Variants in ZMAT4 observed in about 807,000 individuals in gnomAD.
The protein encoded by ZMAT4 is zinc finger matrin-type protein 4.
A neutral mutation model predicts 28.7 loss-of-function variants in ZMAT4; 17 were observed. The ratio of observed to expected loss-of-function variants is 0.59; its 90% CI spans 0.41 to 0.89. The LOEUF (loss-of-function observed/expected upper bound fraction) is 0.89, where lower values mean the gene tolerates loss of function less well. ZMAT4 is among the 40% of genes least tolerant of loss of function. The pLI is 0.00. For missense variants in ZMAT4, 240 were observed against 283.8 expected, an observed-to-expected ratio of 0.85 and a Z score of 1.11; for synonymous variants, 117 against 109.2, an observed-to-expected ratio of 1.07 and a Z score of -0.44.
intron 1 of ZMAT4, among the ~76,000 whole-genome samples, chr8:40,836,422 T>C (rs570284949): frequency 8.6e-4 from 131 of 152,170 alleles, no homozygotes; most frequent in Admixed American, 4.0e-3. Flanking sequence ...CAAGAAAAAA[T>C]CTTGCTCACG....
At chr8:40,806,095 C>T (rs1194277421) in intron 2 of ZMAT4, among the ~76,000 whole-genome samples, 3 of 151,978 alleles carry the variant, frequency 2.0e-5, no homozygotes, top group Admixed American at 1.3e-4. Flanking sequence ...TGGTAAAATA[C>T]GTGCATTAAG....
chr8:40,790,461 G>A (rs954290662), intron 2 of ZMAT4, among the ~76,000 whole-genome samples: 2 of 152,178 alleles, frequency 1.3e-5, no homozygotes, highest in African/African-American at 2.4e-5. Flanking sequence ...CACCCAGAAT[G>A]AATGCAGTGG....
intron 5 of ZMAT4, among the ~76,000 whole-genome samples, chr8:40,627,587 A>C (rs1013004615): frequency 3.9e-5 from 6 of 152,194 alleles, no homozygotes; most frequent in African/African-American, 1.4e-4. Flanking sequence ...TAATTTTTCT[A>C]CCATTTAAAA....
chr8:40,808,867 T>A (rs951444556), intron 2 of ZMAT4, among the ~76,000 whole-genome samples: 1 of 144,772 alleles, frequency 6.9e-6, no homozygotes, highest in African/African-American at 2.5e-5. Context: ...AAAAAAAAAC[T>A]ATTCCCGAAC....
intron 5 of ZMAT4, among the ~76,000 whole-genome samples, chr8:40,599,589 T>C (rs1805227079): frequency 6.6e-6 from 1 of 152,230 alleles, no homozygotes; most frequent in Non-Finnish European, 1.5e-5. Context: ...CATTACCTGA[T>C]GAAATACCAT....
At chr8:40,576,542 A>C (rs887245956) in intron 6 of ZMAT4, among the ~76,000 whole-genome samples, 2 of 152,016 alleles carry the variant, frequency 1.3e-5, no homozygotes, top group Non-Finnish European at 2.9e-5. Flanking sequence ...AAAAAAAAAA[A>C]AAAACTGTCA....
At chr8:40,601,852 G>A (rs956478125) in intron 5 of ZMAT4, among the ~76,000 whole-genome samples, 2 of 152,176 alleles carry the variant, frequency 1.3e-5, no homozygotes, top group South Asian at 4.1e-4. Flanking sequence ...ACAGGCAACA[G>A]ATGTTTTTGT....
chr8:40,800,234 A>G (rs1352385070), intron 2 of ZMAT4, among the ~76,000 whole-genome samples: 2 of 152,256 alleles, frequency 1.3e-5, no homozygotes, highest in East Asian at 3.8e-4. Context: ...CAAGGCGTCA[A>G]AACACATGAG....
At chr8:40,719,665 G>A (rs985683427) in intron 3 of ZMAT4, among the ~76,000 whole-genome samples, 5 of 151,980 alleles carry the variant, frequency 3.3e-5, no homozygotes, top group Admixed American at 2.6e-4. Flanking sequence ...CGCCTCCTGG[G>A]TTCAAGTGAT....
At chr8:40,842,121 A>C (rs555839176) in intron 1 of ZMAT4, among the ~76,000 whole-genome samples, 34 of 152,328 alleles carry the variant, frequency 2.2e-4, no homozygotes, top group African/African-American at 8.2e-4. Flanking sequence ...CTGAACCTGT[A>C]GGTGATGCTA....
At chr8:40,533,357 TG>T (rs1351347027) in intron 6 of ZMAT4, among the ~76,000 whole-genome samples, 1 of 152,206 alleles carries the variant, frequency 6.6e-6, no homozygotes, top group Non-Finnish European at 1.5e-5. Flanking sequence ...CGCATGCTGC[TG>T]AAGAAGTGCT....
intron 3 of ZMAT4, among the ~76,000 whole-genome samples, chr8:40,745,461 T>C (rs571990967): frequency 2.6e-5 from 4 of 152,208 alleles, no homozygotes; most frequent in Non-Finnish European, 5.9e-5. Flanking sequence ...AGAGACAGTT[T>C]TATTGTTGTT....
At chr8:40,726,169 G>T (rs1364646591) in intron 3 of ZMAT4, among the ~76,000 whole-genome samples, 1 of 152,212 alleles carries the variant, frequency 6.6e-6, no homozygotes, top group East Asian at 1.9e-4. Flanking sequence ...CAGCATCCTT[G>T]CACAGACTGC....
chr8:40,569,403 G>T (rs918439528), intron 6 of ZMAT4, among the ~76,000 whole-genome samples: 2 of 152,158 alleles, frequency 1.3e-5, no homozygotes, highest in Non-Finnish European at 2.9e-5. Context: ...ATCAACGTCA[G>T]CTATAGATAG....
chr8:40,748,964 C>T (rs936531817), intron 3 of ZMAT4, among the ~76,000 whole-genome samples: 24 of 152,090 alleles, frequency 1.6e-4, no homozygotes, highest in African/African-American at 5.6e-4. Context: ...GCTGTTTCCC[C>T]AGTGCTGTTC....
intron 2 of ZMAT4, among the ~76,000 whole-genome samples, chr8:40,775,807 A>G (rs1046027959): frequency 1.8e-4 from 28 of 152,330 alleles, no homozygotes; most frequent in African/African-American, 4.3e-4. Context: ...ATCTGGAAGC[A>G]GGGTCTGTCA....
chr8:40,560,495 G>A (rs1803701643), intron 6 of ZMAT4, among the ~76,000 whole-genome samples: 1 of 151,574 alleles, frequency 6.6e-6, no homozygotes, highest in Non-Finnish European at 1.5e-5. Flanking sequence ...AGCCTCCTGG[G>A]TACAAGTCAT....
At position 40,767,577 on chromosome 8, in the gene ZMAT4, C is replaced by G. The variant is rs192106567; in HGVS notation, c.192+64G>C. The G allele has an allele frequency of 1.3e-4, 180 of 1,398,374 alleles. No individual in the cohort carries two copies. In the African/African-American group the frequency reaches 2.4e-3, roughly 18 times the overall value. 86.6% of individuals were successfully genotyped at this position (1,398,374 alleles called of 1,614,324 possible). On this transcript the variant is annotated intron_variant, in intron 3 of 6. Transcript: ENST00000297737. ...TCTGGACTAGACTACAATTCCTACA[C>G]CTGCAAAGTTCTCAGTACACAGAAC... is the stretch of plus-strand genomic sequence containing the variant.
At chr8:40,723,542 C>CA (rs58513087) in intron 3 of ZMAT4, among the ~76,000 whole-genome samples, 41,936 of 66,700 alleles carry the variant, frequency 0.63, 15,267 homozygotes, top group Non-Finnish European at 0.75. Context: ...GATTCCATCT[C>CA]AAAAAAAAAA....
Sources: gnomAD v4.1 joint callset for allele counts (sites outside exome capture counted in the v4.1 genomes callset) on GRCh38, gnomAD v4.1.1 for gene constraint, MANE v1.5 for transcripts, NCBI Gene and HGNC (gene_info 2026-07-23, HGNC 2026-07-21) for gene names.